The following CLTCL1 variants were observed in gnomAD, a reference collection of about 807,000 sequenced individuals.
CLTCL1 encodes clathrin heavy chain 2.
A neutral mutation model predicts 190.0 loss-of-function variants in CLTCL1; 159 were observed. The ratio of observed to expected loss-of-function variants is 0.84; its 90% CI spans 0.74 to 0.95. CLTCL1 has a LOEUF of 0.95. CLTCL1 is among the 40% of genes least tolerant of loss of function. The pLI, the probability that CLTCL1 is intolerant of heterozygous loss-of-function variation, is 0.00. For synonymous variants in CLTCL1, 752 were observed against 769.6 expected, an observed-to-expected ratio of 0.98 and a Z score of 0.38; for missense variants, 1,878 against 2,033.4, an observed-to-expected ratio of 0.92 and a Z score of 1.47.
chr22:19,201,295 C>G (rs782424746), intron 23 of CLTCL1, 34 bp downstream of exon 23: 2 of 1,583,648 alleles, frequency 1.3e-6, no homozygotes, highest in African/African-American at 2.7e-5. Context: ...GCCTGTCCAG[C>G]ACACTCTGCC....
chr22:19,182,911 C>T (rs1555926428), intron 30 of CLTCL1: 2 of 191,922 alleles, frequency 1.0e-5, no homozygotes, highest in Non-Finnish European at 2.2e-5. Flanking sequence ...GAGTCATCCT[C>T]CCTATAGCTG....
chr22:19,241,572 C>T (rs1569213536), intron 4 of CLTCL1, among the ~76,000 whole-genome samples: 1 of 152,204 alleles, frequency 6.6e-6, no homozygotes, highest in Non-Finnish European at 1.5e-5. Flanking sequence ...AACTCCTCTG[C>T]CTTGGGGAAT....
In CLTCL1 at chr22:19,188,059, C is replaced by T. The variant is rs782541229; in HGVS notation, c.4356G>A (p.Leu1452=). Residue 1452 remains leucine (L), a synonymous_variant, in exon 28 of 33, where the codon CTG becomes CTA. Transcript: ENST00000427926. The part of the protein sequence containing the change: ...AGQLPLVKPY[L]RSVQSHNNKS... ...TGTTGTTGTGGCTCTGGACTGACCG[C>T]AGGTAAGGCTTCACCAGGGGCAGCT... is the stretch of plus-strand genomic sequence containing the variant. 1 of 1,614,020 alleles carries T rather than the reference C, an allele frequency of 6.2e-7. No homozygotes were observed. Among genetic ancestry groups the T allele is most frequent in the African/African-American group, 1.3e-5 (1 of 75,056 alleles).
intron 10 of CLTCL1, among the ~76,000 whole-genome samples, chr22:19,231,968 A>C (rs1156248753): frequency 6.6e-6 from 1 of 152,218 alleles, no homozygotes; most frequent in African/African-American, 2.4e-5. Context: ...TCTATATATC[A>C]TCAAAGCTCC....
chr22:19,259,854 G>T (rs2086886642), intron 2 of CLTCL1, among the ~76,000 whole-genome samples: 1 of 152,208 alleles, frequency 6.6e-6, no homozygotes, highest in African/African-American at 2.4e-5. Flanking sequence ...GGCTTTGTGA[G>T]GAAGGCATGT....
chr22:19,207,570 C>T (rs782733113), intron 22 of CLTCL1: 15 of 405,938 alleles, frequency 3.7e-5, no homozygotes, highest in Non-Finnish European at 2.2e-5. Flanking sequence ...ACTAAAGCAG[C>T]GGTCCCCAAC....
chr22:19,244,741 G>A (rs2086364001), intron 3 of CLTCL1, among the ~76,000 whole-genome samples: 1 of 152,196 alleles, frequency 6.6e-6, no homozygotes, highest in Non-Finnish European at 1.5e-5. Flanking sequence ...TAAGTCTTAG[G>A]CACCTGCCAG....
chr22:19,187,877 C>T, intron 28 of CLTCL1, 104 bp downstream of exon 28: 2 of 1,352,302 alleles, frequency 1.5e-6, no homozygotes, highest in Non-Finnish European at 1.0e-6. Flanking sequence ...CCTGTGGGGC[C>T]TGCACACCCT....
intron 1 of CLTCL1, among the ~76,000 whole-genome samples, chr22:19,288,051 G>A (rs1405140401): frequency 6.6e-6 from 1 of 152,062 alleles, no homozygotes; most frequent in Non-Finnish European, 1.5e-5. Flanking sequence ...ATGAAATCTT[G>A]CACCAGCCCA....
intron 13 of CLTCL1, 61 bp downstream of exon 13, chr22:19,225,392 C>A: frequency 6.8e-7 from 1 of 1,473,888 alleles, no homozygotes; most frequent in Non-Finnish European, 9.1e-7. Flanking sequence ...AGGTAGGCAG[C>A]AACACCTGAG....
chr22:19,213,723 G>A (rs1397635792), intron 19 of CLTCL1, among the ~76,000 whole-genome samples: 1 of 151,986 alleles, frequency 6.6e-6, no homozygotes, highest in Non-Finnish European at 1.5e-5. Flanking sequence ...TGACATTCTT[G>A]AAAATGCAAA....
intron 2 of CLTCL1, among the ~76,000 whole-genome samples, chr22:19,266,188 C>T (rs1171373529): frequency 6.6e-6 from 1 of 151,816 alleles, no homozygotes; most frequent in Non-Finnish European, 1.5e-5. Context: ...TGACCCAAAC[C>T]TTAGTTAATG....
chr22:19,224,789 C>A (rs1037580890), intron 13 of CLTCL1, among the ~76,000 whole-genome samples: 5 of 152,156 alleles, frequency 3.3e-5, no homozygotes, highest in Non-Finnish European at 7.3e-5. Flanking sequence ...AGGCCAGTTC[C>A]CTGAGGACAG....
Position 19,239,124 on chromosome 22 carries a change from C to A in CLTCL1, c.795+151G>T, listed in dbSNP as rs556843703. 6.1e-6 allele frequency: 4 copies of A among 654,758 alleles called. No homozygotes were observed. The South Asian group carries it at 7.6e-5, about 12-fold the overall frequency. 40.6% of individuals were successfully genotyped at this position (654,758 alleles called of 1,614,324 possible). On this transcript the variant is annotated intron_variant, in intron 5 of 32. Coordinates refer to ENST00000427926, the MANE Select transcript of CLTCL1 (RefSeq NM_007098.4). ...ACGAACAGGGCTTTCCCAGCTCACA[C>A]GCCAAAGCCTTAGGCCTCTAAATGG...
Position 19,201,418 on chromosome 22 carries a change from G to A in CLTCL1, c.3676C>T (p.Arg1226Cys), listed in dbSNP as rs370908919. ...LLYSNVSNFA[R>C]LASTLVHLGE... ...AGGTGAACCAAGGTGGAAGCCAGGC[G>A]GGCAAAGTTAGAAACATTGCTATAG... Residue 1226 changes from arginine (R) to cysteine (C), a missense_variant, in exon 23 of 33, where the codon CGC (arginine) becomes TGC (cysteine). Coordinates refer to ENST00000427926, the MANE Select transcript of CLTCL1 (RefSeq NM_007098.4). 181 of 1,613,892 alleles carry A rather than the reference G, an allele frequency of 1.1e-4. 1 individual carries two copies. The Admixed American group carries it at 1.2e-3, about 11-fold the overall frequency.
At chr22:19,240,810 G>A (rs1408905553) in intron 4 of CLTCL1, among the ~76,000 whole-genome samples, 6 of 152,178 alleles carry the variant, frequency 3.9e-5, no homozygotes, top group African/African-American at 1.2e-4. Flanking sequence ...GTTCTTGCTC[G>A]GGAGCTGAGA....
chr22:19,285,419 G>C (rs897857965), intron 1 of CLTCL1, among the ~76,000 whole-genome samples: 1 of 152,184 alleles, frequency 6.6e-6, no homozygotes, highest in Non-Finnish European at 1.5e-5. Context: ...GGTTAGTTCA[G>C]GGATAGTTAA....
At chr22:19,205,549 G>C (rs1395158491) in intron 22 of CLTCL1, among the ~76,000 whole-genome samples, 1 of 152,042 alleles carries the variant, frequency 6.6e-6, no homozygotes, top group Admixed American at 6.6e-5. Flanking sequence ...CCAGACATTG[G>C]CTTTTGATTT....
chr22:19,240,705 A>G (rs2086226221), intron 4 of CLTCL1, among the ~76,000 whole-genome samples: 1 of 152,204 alleles, frequency 6.6e-6, no homozygotes, highest in African/African-American at 2.4e-5. Flanking sequence ...GTGAGGTGAG[A>G]AAGGCTTAGT....
Sources: gnomAD v4.1 joint callset for allele counts (sites outside exome capture counted in the v4.1 genomes callset) on GRCh38, gnomAD v4.1.1 for gene constraint, MANE v1.5 for transcripts, NCBI Gene and HGNC (gene_info 2026-07-23, HGNC 2026-07-21) for gene names.